ROBO2: variants seen among roughly 807,000 people sequenced by gnomAD.
ROBO2 encodes roundabout homolog 2.
A neutral mutation model predicts 160.8 loss-of-function variants in ROBO2; 53 were observed. The observed-to-expected ratio is 0.33, with a 90% confidence interval of 0.26 to 0.41. The LOEUF is 0.41. ROBO2 is among the 10% of genes least tolerant of loss of function. The pLI, the probability that ROBO2 is intolerant of heterozygous loss-of-function variation, is 1.00. For synonymous variants in ROBO2, 664 were observed against 611.7 expected (o/e 1.09, Z -1.26); for missense variants, 1,577 against 1,722.4 (o/e 0.92, Z 1.49).
At chr3:76,646,228 G>A (rs1233221291) in intron 2 of ROBO2, among the ~76,000 whole-genome samples, 2 of 152,162 alleles carry the variant, frequency 1.3e-5, no homozygotes, top group Non-Finnish European at 2.9e-5. Context: ...CTGAGTTGCT[G>A]AGCTAGGAAG....
intron 2 of ROBO2, among the ~76,000 whole-genome samples, chr3:76,464,542 C>A (rs1258633261): frequency 6.6e-6 from 1 of 151,852 alleles, no homozygotes; most frequent in African/African-American, 2.4e-5. Flanking sequence ...CAGTTTCTTT[C>A]CACCTCAGTA....
At chr3:76,050,189 G>A (rs1169030759) in intron 2 of ROBO2, among the ~76,000 whole-genome samples, 1 of 152,138 alleles carries the variant, frequency 6.6e-6, no homozygotes. Flanking sequence ...TGCCATTGTG[G>A]CTAAGAGAAA....
At chr3:77,629,790 C>T (rs1187024382) in intron 23 of ROBO2, 1 of 152,074 alleles carries the variant, frequency 6.6e-6, no homozygotes, top group Non-Finnish European at 1.5e-5. Flanking sequence ...TAATGTCATA[C>T]ACAGAATTAT....
At chr3:77,536,041 C>G (rs2092075616) in intron 6 of ROBO2, among the ~76,000 whole-genome samples, 1 of 152,118 alleles carries the variant, frequency 6.6e-6, no homozygotes, top group Admixed American at 6.5e-5. Flanking sequence ...AGTGGACTTG[C>G]TAAACCCAGT....
rs190196106 is a variant in ROBO2 at position 77,614,737 on chromosome 3, C to A, written c.3294-2776C>A. On this transcript the variant is annotated intron_variant, in intron 21 of 25. Transcript: ENST00000461745. Reference sequence around the variant, plus strand: ...TTCCCCCAAAAAACCAACCAACCAACCAACCAACCAACCAACCAAACAAAC... The same window carrying A: ...TTCCCCCAAAAAACCAACCAACCAAACAACCAACCAACCAACCAAACAAAC... Among the ~76,000 whole-genome samples the A allele has an allele frequency of 5.9e-4, 87 of 148,538 alleles. 1 individual carries two copies. The highest frequency in any genetic ancestry group is 1.9e-3 in the African/African-American group (76 of 39,390).
chr3:76,388,557 T>G (rs890769943), intron 2 of ROBO2, among the ~76,000 whole-genome samples: 1 of 152,094 alleles, frequency 6.6e-6, no homozygotes, highest in Non-Finnish European at 1.5e-5. Context: ...AGGCATAAAT[T>G]TACCAAATCT....
intron 2 of ROBO2, among the ~76,000 whole-genome samples, chr3:76,939,572 A>T (rs1295861360): frequency 6.6e-6 from 1 of 152,094 alleles, no homozygotes; most frequent in Non-Finnish European, 1.5e-5. Context: ...GGGGGTCAGA[A>T]GTTCGAGACC....
At chr3:76,334,825 T>C (rs1358076789) in intron 2 of ROBO2, among the ~76,000 whole-genome samples, 1 of 152,042 alleles carries the variant, frequency 6.6e-6, no homozygotes, top group Non-Finnish European at 1.5e-5. Context: ...ATTAGAAAAA[T>C]TAATGATTTA....
rs115019751 is a variant in ROBO2, at chr3:77,311,099, T to A, written c.389-166315T>A. ...TAATCAAAACAAAATCTAAGATGCA[T>A]GGAAAAATCAATTTTGGTAATAAGA... On this transcript the variant is annotated intron_variant, in intron 2 of 25. Transcript: ENST00000461745. 9.2e-3 allele frequency among the ~76,000 whole-genome samples: 1,401 copies of A among 152,276 alleles called. 25 individuals carry two copies. Among genetic ancestry groups the A allele is most frequent in the African/African-American group, 0.032 (1,339 of 41,570 alleles).
rs1239019821 is a variant in ROBO2, at chr3:76,586,469, A to G, written c.110-511545A>G. ...AGTCTCTTCCATCTAGACCAGTGCC[A>G]TCCAATAGAAATGTAATGTAAGACA... On this transcript the variant is annotated intron_variant, in intron 2 of 26. Transcript: ENST00000487694. 2.6e-5 allele frequency among the ~76,000 whole-genome samples: 4 copies of G among 152,238 alleles called. No homozygotes were observed. In the East Asian group the frequency reaches 5.8e-4, roughly 22 times the overall value.
At chr3:76,783,197 T>C (rs1030119325) in intron 2 of ROBO2, among the ~76,000 whole-genome samples, 1 of 150,922 alleles carries the variant, frequency 6.6e-6, no homozygotes, top group Non-Finnish European at 1.5e-5. Context: ...GATGTCACAA[T>C]TTACAACTTT....
chr3:77,474,747 G>A (rs2083786439), intron 2 of ROBO2, among the ~76,000 whole-genome samples: 1 of 151,126 alleles, frequency 6.6e-6, no homozygotes, highest in South Asian at 2.1e-4. Context: ...GACCATTTTA[G>A]TTCTCTTAAT....
At chr3:77,195,796 A>G (rs1157590479) in intron 2 of ROBO2, among the ~76,000 whole-genome samples, 1 of 152,212 alleles carries the variant, frequency 6.6e-6, no homozygotes, top group Non-Finnish European at 1.5e-5. Context: ...CTGTCAAGTT[A>G]CCTGTCTTTC....
chr3:76,388,503 C>A (rs1398831920), intron 2 of ROBO2, among the ~76,000 whole-genome samples: 2 of 152,074 alleles, frequency 1.3e-5, no homozygotes, highest in Non-Finnish European at 2.9e-5. Context: ...CATCTCCTGA[C>A]CTCGCGATCC....
At chr3:76,041,641 A>G (rs1193684186) in intron 2 of ROBO2, among the ~76,000 whole-genome samples, 1 of 151,912 alleles carries the variant, frequency 6.6e-6, no homozygotes, top group Non-Finnish European at 1.5e-5. Flanking sequence ...TTGTTTTTTC[A>G]TGTTCTTAAT....
intron 2 of ROBO2, among the ~76,000 whole-genome samples, chr3:76,560,430 C>A (rs1375844590): frequency 2.0e-5 from 3 of 151,804 alleles, no homozygotes; most frequent in African/African-American, 7.3e-5. Flanking sequence ...TTCTAAATTC[C>A]ACAAAACCAT....
intron 15 of ROBO2, among the ~76,000 whole-genome samples, chr3:77,579,390 T>C (rs1157564291): frequency 6.6e-6 from 1 of 152,182 alleles, no homozygotes; most frequent in African/African-American, 2.4e-5. Flanking sequence ...AATTTCATTT[T>C]AGTCAATACC....
chr3:76,595,562 T>A (rs1156812959), intron 2 of ROBO2, among the ~76,000 whole-genome samples: 1 of 152,006 alleles, frequency 6.6e-6, no homozygotes, highest in Admixed American at 6.6e-5. Flanking sequence ...TTAATAAAAG[T>A]TCCCCCAAGT....
At chr3:76,933,451 T>G (rs2077484232) in intron 2 of ROBO2, among the ~76,000 whole-genome samples, 1 of 152,224 alleles carries the variant, frequency 6.6e-6, no homozygotes, top group Non-Finnish European at 1.5e-5. Flanking sequence ...TGATGTCAGT[T>G]GTTCTAATGA....
Sources: gnomAD v4.1 joint callset for allele counts (sites outside exome capture counted in the v4.1 genomes callset) on GRCh38, gnomAD v4.1.1 for gene constraint, MANE v1.5 for transcripts, NCBI Gene and HGNC (gene_info 2026-07-23, HGNC 2026-07-21) for gene names.